DMD: variants seen among roughly 807,000 people sequenced by gnomAD.
DMD encodes dystrophin, also known as mutant dystrophin.
DMD carries 63 observed loss-of-function variants against 330.1 expected under a neutral mutation model. The ratio of observed to expected loss-of-function variants is 0.19; its 90% CI spans 0.16 to 0.24. The LOEUF is 0.24. DMD is among the 10% of genes least tolerant of loss of function. The pLI, the probability that DMD is intolerant of heterozygous loss-of-function variation, is 1.00. For missense variants in DMD, 3,344 were observed against 2,684.1 expected, an observed-to-expected ratio of 1.25 and a Z score of -5.43; for synonymous variants, 1,223 against 959.8, an observed-to-expected ratio of 1.27 and a Z score of -5.07.
intron 54 of DMD, among the ~76,000 whole-genome samples, chrX:31,635,736 C>G (rs182462637): frequency 8.9e-6 from 1 of 111,875 alleles, no homozygotes; most frequent in African/African-American, 3.2e-5. Flanking sequence ...TAGTCTCTTA[C>G]TCAGTACTCT....
chrX:32,081,862 A>C (rs778196732), intron 44 of DMD, among the ~76,000 whole-genome samples: 2 of 110,876 alleles, frequency 1.8e-5, no homozygotes, highest in East Asian at 2.8e-4. Context: ...CTAAAATAAT[A>C]ATAATAATAA....
At chrX:32,535,894 C>G (rs940877703) in intron 17 of DMD, among the ~76,000 whole-genome samples, 1 of 111,536 alleles carries the variant, frequency 9.0e-6, no homozygotes, top group Non-Finnish European at 1.9e-5. Context: ...TCCCTCAAGG[C>G]GTTTACTGGA....
chrX:32,739,076 A>T (rs185926825), intron 7 of DMD, among the ~76,000 whole-genome samples: 2 of 112,272 alleles, frequency 1.8e-5, no homozygotes, highest in African/African-American at 6.5e-5. Flanking sequence ...AAATGTTTCA[A>T]ATCAACTAAT....
At chrX:32,463,307 G>T (rs1328372909) in intron 25 of DMD, 132 bp downstream of exon 25, 3 of 479,537 alleles carry the variant, frequency 6.3e-6, no homozygotes, top group Admixed American at 9.8e-5. Context: ...AGATTAATTT[G>T]TCAGAATTAA....
At chrX:32,164,550 A>T (rs981073494) in intron 44 of DMD, among the ~76,000 whole-genome samples, 3 of 112,020 alleles carry the variant, frequency 2.7e-5, no homozygotes, top group Non-Finnish European at 5.6e-5. Context: ...CTAAGCAGCA[A>T]AGCATTCAAG....
chrX:32,698,578 T>A (rs924532632), intron 8 of DMD, among the ~76,000 whole-genome samples: 6 of 112,076 alleles, frequency 5.4e-5, no homozygotes, highest in African/African-American at 1.9e-4. Flanking sequence ...CCCCACTAAA[T>A]TCTATACAAT....
intron 64 of DMD, among the ~76,000 whole-genome samples, chrX:31,213,347 T>C (rs6631277): frequency 1.5e-3 from 166 of 112,534 alleles, no homozygotes; most frequent in East Asian, 4.7e-3. Context: ...AACAGTAACA[T>C]TGACCATTTT....
chrX:32,644,906 T>C (rs2059688757), intron 10 of DMD, 58 bp downstream of exon 10: 2 of 1,160,370 alleles, frequency 1.7e-6, no homozygotes, highest in East Asian at 5.9e-5. Context: ...GGAAAAAGGA[T>C]GACTTGCCAT....
intron 25 of DMD, among the ~76,000 whole-genome samples, chrX:32,461,086 T>C (rs1167992257): frequency 8.9e-6 from 1 of 111,857 alleles, no homozygotes; most frequent in African/African-American, 3.2e-5. Context: ...CATCTTCAAA[T>C]GTATCAGATA....
intron 56 of DMD, among the ~76,000 whole-genome samples, chrX:31,501,533 C>T (rs1348817642): frequency 8.9e-6 from 1 of 111,828 alleles, no homozygotes; most frequent in African/African-American, 3.2e-5. Context: ...ATAATTTCCA[C>T]AATTTGTAAG....
chrX:31,981,154 A>G (rs1369925132), intron 44 of DMD, among the ~76,000 whole-genome samples: 1 of 111,661 alleles, frequency 9.0e-6, no homozygotes, highest in African/African-American at 3.3e-5. Flanking sequence ...CCCCACACAC[A>G]ATGATCAATT....
At chrX:32,053,336 A>G (rs2096132193) in intron 44 of DMD, among the ~76,000 whole-genome samples, 1 of 103,993 alleles carries the variant, frequency 9.6e-6, no homozygotes, top group Admixed American at 1.0e-4. Flanking sequence ...GTTATCTCGT[A>G]AAGTATGCTG....
chrX:31,196,870 A>C (rs914859503), intron 67 of DMD, among the ~76,000 whole-genome samples: 7 of 91,826 alleles, frequency 7.6e-5, no homozygotes, highest in Non-Finnish European at 4.2e-5. Context: ...AAAAAAAAGT[A>C]ATCAGTTGAC....
chrX:32,727,555 T>A (rs2067029262), intron 7 of DMD, among the ~76,000 whole-genome samples: 1 of 110,464 alleles, frequency 9.1e-6, no homozygotes, highest in African/African-American at 3.3e-5. Flanking sequence ...CAGTGAATAA[T>A]AAAATACTTG....
intron 1 of DMD, among the ~76,000 whole-genome samples, chrX:33,179,646 A>G (rs2049866063): frequency 9.4e-6 from 1 of 106,782 alleles, no homozygotes; most frequent in South Asian, 4.2e-4. Context: ...GTGAGCCGAG[A>G]TCGCGCCACT....
intron 41 of DMD, among the ~76,000 whole-genome samples, chrX:32,336,287 A>G (rs1266233049): frequency 2.7e-5 from 3 of 111,429 alleles, no homozygotes; most frequent in African/African-American, 9.8e-5. Context: ...AAGAGCTGGG[A>G]TTACAGTTGT....
intron 50 of DMD, among the ~76,000 whole-genome samples, chrX:31,787,663 C>A (rs1183032151): frequency 1.8e-5 from 2 of 111,882 alleles, no homozygotes; most frequent in Non-Finnish European, 3.8e-5. Flanking sequence ...GGAAATGTAA[C>A]TGCTATCTTA....
At chrX:33,093,252 C>T (rs746264706) in intron 1 of DMD, among the ~76,000 whole-genome samples, 1 of 112,269 alleles carries the variant, frequency 8.9e-6, no homozygotes, top group African/African-American at 3.2e-5. Context: ...AAGCTCTTTA[C>T]TCCAACAGAA....
chrX:32,325,325 A>G (rs911666465), intron 41 of DMD, among the ~76,000 whole-genome samples: 1 of 111,542 alleles, frequency 9.0e-6, no homozygotes, highest in Non-Finnish European at 1.9e-5. Context: ...ATACATTTAA[A>G]ATAATCGCAC....
Sources: gnomAD v4.1 joint callset for allele counts (sites outside exome capture counted in the v4.1 genomes callset) on GRCh38, gnomAD v4.1.1 for gene constraint, MANE v1.5 for transcripts, NCBI Gene and HGNC (gene_info 2026-07-23, HGNC 2026-07-21) for gene names.